The following TESK2 variants were observed in gnomAD, a reference collection of about 807,000 sequenced individuals.
The protein encoded by TESK2 is dual specificity testis-specific protein kinase 2.
A neutral mutation model predicts 57.1 loss-of-function variants in TESK2; 39 were observed. The observed-to-expected ratio is 0.68, with a 90% CI of 0.53 to 0.89. TESK2 has a LOEUF of 0.89. TESK2 is among the 40% of genes least tolerant of loss of function. TESK2 has a pLI of 0.00. For missense variants in TESK2, 646 were observed against 732.1 expected (o/e 0.88, Z 1.36); for synonymous variants, 249 against 267.9 (o/e 0.93, Z 0.69).
At chr1:45,368,671 G>A (rs1026412030) in intron 4 of TESK2, among the ~76,000 whole-genome samples, 6 of 151,824 alleles carry the variant, frequency 4.0e-5, no homozygotes, top group Middle Eastern at 3.4e-3. Context: ...CACCGCACCC[G>A]GCTGGTTGGT....
Position 45,343,894 on chromosome 1 carries a change from C to G in TESK2, c.*946G>C, listed in dbSNP as rs981263787. Reference sequence around the variant, plus strand: ...AGAAGGCTGACCAGCACCTGTAACACTGACTTTATTTTTAAGTCTGAAAAT... The same window carrying G: ...AGAAGGCTGACCAGCACCTGTAACAGTGACTTTATTTTTAAGTCTGAAAAT... On this transcript the variant is annotated 3_prime_UTR_variant, in exon 11 of 11. Transcript: ENST00000372086. This position sits in a 1 kb window ranked among gnomAD's most constrained non-coding sequence, Gnocchi z 4.3. 2 of 516,520 alleles carry G rather than the reference C, an allele frequency of 3.9e-6. No individual in the cohort carries two copies. Among genetic ancestry groups the G allele is most frequent in the East Asian group, 6.1e-5 (2 of 32,716 alleles). The allele number at this position is 516,520 out of a possible 1,614,324, so 32.0% of individuals were successfully genotyped here. A position where few individuals can be genotyped will look rare whatever the true frequency, so the allele number is the denominator to read the frequency against.
intron 5 of TESK2, among the ~76,000 whole-genome samples, chr1:45,349,061 G>A (rs150718005): frequency 2.3e-4 from 35 of 151,864 alleles, no homozygotes; most frequent in Non-Finnish European, 4.6e-4. Context: ...ATAGCAGAGA[G>A]CAGGGATCCT....
At chr1:45,411,296 G>A (rs1010912541) in intron 3 of TESK2, among the ~76,000 whole-genome samples, 1 of 152,074 alleles carries the variant, frequency 6.6e-6, no homozygotes, top group Non-Finnish European at 1.5e-5. Context: ...ACCAGGGACT[G>A]GTTTTGTGGA....
intron 1 of TESK2, among the ~76,000 whole-genome samples, chr1:45,469,063 G>C (rs753229158): frequency 1.8e-4 from 28 of 151,964 alleles, no homozygotes; most frequent in Non-Finnish European, 3.4e-4. Flanking sequence ...AGGTAGGTTT[G>C]TTTTTTCAAA....
chr1:45,471,978 G>A (rs951606167), intron 1 of TESK2, among the ~76,000 whole-genome samples: 4 of 152,082 alleles, frequency 2.6e-5, no homozygotes, highest in Admixed American at 6.6e-5. Flanking sequence ...CTGGCCAGGC[G>A]CAGTGGCTCA....
intron 2 of TESK2, among the ~76,000 whole-genome samples, chr1:45,444,174 A>AT (rs1370171331): frequency 7.3e-6 from 1 of 136,920 alleles, no homozygotes; most frequent in Non-Finnish European, 1.6e-5. Flanking sequence ...ATGAGACTCT[A>AT]TTAAAAAAAA....
At position 45,347,467 on chromosome 1, in the gene TESK2, G is replaced by A. The variant is rs1647162302; in HGVS notation, c.708+142C>T. The stretch of plus-strand genomic sequence containing the variant: ...TGTAATTCCAGCTACTTGGGAAGCT[G>A]AGGCAGGAGAATAGCTTGAACTCGG... On this transcript the variant is annotated intron_variant, in intron 7 of 10. Coordinates refer to ENST00000372086, the MANE Select transcript of TESK2 (RefSeq NM_007170.3). The A allele has an allele frequency of 3.9e-5, 30 of 760,248 alleles. No homozygotes were observed. The South Asian group carries it at 5.2e-4, about 13-fold the overall frequency. The allele number at this position is 760,248 out of a possible 1,614,324, so 47.1% of individuals were successfully genotyped here.
At chr1:45,465,972 G>T (rs992806281) in intron 1 of TESK2, among the ~76,000 whole-genome samples, 4 of 152,056 alleles carry the variant, frequency 2.6e-5, no homozygotes, top group East Asian at 3.9e-4. Flanking sequence ...GGTTTTCAAA[G>T]AAGTTACTGA....
Position 45,344,627 on chromosome 1 carries a change from T to G in TESK2, c.*213A>C. On this transcript the variant is annotated 3_prime_UTR_variant, in exon 11 of 11. Coordinates refer to ENST00000372086, the MANE Select transcript of TESK2 (RefSeq NM_007170.3). ...ACCTCCTTGCTGGATTTCAGAGGCT[T>G]GGTATCAGCTGTTGGCCCTAACTAG... The G allele has an allele frequency of 3.6e-6, 2 of 560,500 alleles. No individual in the cohort carries two copies. Among genetic ancestry groups the G allele is most frequent in the Non-Finnish European group, 6.4e-6 (2 of 314,878 alleles). 34.7% of individuals were successfully genotyped at this position (560,500 alleles called of 1,614,324 possible). A position where few individuals can be genotyped will look rare whatever the true frequency, so the allele number is the denominator to read the frequency against.
intron 4 of TESK2, among the ~76,000 whole-genome samples, chr1:45,383,061 G>A (rs1483385816): frequency 6.6e-6 from 1 of 152,100 alleles, no homozygotes; most frequent in Non-Finnish European, 1.5e-5. Flanking sequence ...TGTTTTATAG[G>A]TATTAATGAG....
chr1:45,347,828 C>T (rs905036975), intron 6 of TESK2, 90 bp downstream of exon 6: 2 of 1,431,124 alleles, frequency 1.4e-6, no homozygotes, highest in Admixed American at 3.4e-5. Flanking sequence ...GAGCTGTGAC[C>T]AAGTCCTGGC....
At chr1:45,372,319 T>G (rs1348035697) in intron 4 of TESK2, among the ~76,000 whole-genome samples, 2 of 150,876 alleles carry the variant, frequency 1.3e-5, no homozygotes, top group African/African-American at 4.9e-5. Flanking sequence ...GGCTCAAGCC[T>G]GTAATCCCAG....
chr1:45,451,786 C>T (rs887271614), intron 2 of TESK2, among the ~76,000 whole-genome samples: 1 of 151,990 alleles, frequency 6.6e-6, no homozygotes, highest in Non-Finnish European at 1.5e-5. Context: ...GTAATCTCAA[C>T]ACTTTGGGAG....
chr1:45,400,169 A>G (rs962547395), intron 3 of TESK2, among the ~76,000 whole-genome samples: 5 of 152,228 alleles, frequency 3.3e-5, no homozygotes, highest in Non-Finnish European at 5.9e-5. Context: ...CAAGGTCCTC[A>G]TAGGTGGAAG....
chr1:45,358,406 A>T lies in TESK2; in HGVS notation c.394-2957T>A, dbSNP rs1035541425. On this transcript the variant is annotated intron_variant, in intron 4 of 10. Coordinates refer to ENST00000372086, the MANE Select transcript of TESK2 (RefSeq NM_007170.3). ...TTGGGATGATCACTTGAACCTCAGG[A>T]GGTCAAGGCTGTAGTGAGCCATGAT... Among the ~76,000 whole-genome samples the T allele has an allele frequency of 2.6e-5, 4 of 152,200 alleles. No homozygotes were observed. The East Asian group carries it at 7.7e-4, about 29-fold the overall frequency.
intron 1 of TESK2, among the ~76,000 whole-genome samples, chr1:45,484,272 CTAATTTTTGTATT>C (rs1275819669): frequency 6.6e-6 from 1 of 151,824 alleles, no homozygotes; most frequent in East Asian, 2.0e-4. Flanking sequence ...CCATGCCTGG[CTAATTTTTGTATT>C]TTTAGTAGAG....
chr1:45,429,936 T>G (rs1650881945), intron 2 of TESK2, among the ~76,000 whole-genome samples: 1 of 152,224 alleles, frequency 6.6e-6, no homozygotes, highest in African/African-American at 2.4e-5. Context: ...CTTCTGCTTT[T>G]TTAAGCCCTT....
chr1:45,439,780 C>T (rs1440079344), intron 2 of TESK2, among the ~76,000 whole-genome samples: 2 of 152,006 alleles, frequency 1.3e-5, no homozygotes, highest in African/African-American at 2.4e-5. Context: ...CATAGCAAGA[C>T]CCCATCTCTC....
At chr1:45,454,418 A>G (rs912999474) in intron 2 of TESK2, among the ~76,000 whole-genome samples, 3 of 151,732 alleles carry the variant, frequency 2.0e-5, no homozygotes, top group African/African-American at 7.3e-5. Context: ...AAAAAGATTT[A>G]TTTTTTATTT....
Sources: allele counts gnomAD v4.1 joint callset (sites outside exome capture counted in the v4.1 genomes callset), GRCh38; gene constraint gnomAD v4.1.1; non-coding constraint Gnocchi (gnomAD v3.1); transcripts MANE v1.5; gene names NCBI Gene and HGNC (gene_info 2026-07-23, HGNC 2026-07-21).